Variants in TNK2 observed in about 807,000 individuals in gnomAD.
TNK2 encodes tyrosine kinase non receptor 2.
Under a neutral mutation model 101.8 loss-of-function variants are expected in TNK2, and 83 were observed. That is an observed-to-expected ratio of 0.82 (90% confidence interval 0.68 to 0.98). The LOEUF (loss-of-function observed/expected upper bound fraction) is 0.98, where lower values mean the gene tolerates loss of function less well. TNK2 is among the 50% of genes least tolerant of loss of function. The pLI, the probability that TNK2 is intolerant of heterozygous loss-of-function variation, is 0.00. For missense variants in TNK2, 1,665 were observed against 1,483.2 expected, an observed-to-expected ratio of 1.12 and a Z score of -2.01; for synonymous variants, 804 against 633.0, an observed-to-expected ratio of 1.27 and a Z score of -4.06.
intron 1 of TNK2, chr3:195,892,427 C>CG (rs1758923666): frequency 6.5e-7 from 1 of 1,535,200 alleles, no homozygotes; most frequent in Non-Finnish European, 8.7e-7. Context: ...CAGGCGTCGC[C>CG]GCAGTCTGGC....
intron 9 of TNK2, among the ~76,000 whole-genome samples, chr3:195,875,989 C>A (rs1284700459): frequency 6.6e-6 from 1 of 152,214 alleles, no homozygotes; most frequent in Admixed American, 6.5e-5. Flanking sequence ...AACGCCCGCC[C>A]GCTCTTCTCC....
Position 195,885,785 on chromosome 3 carries a change from G to A in TNK2, c.235-752C>T, listed in dbSNP as rs1005802937. The A allele has an allele frequency of 8.3e-6, 3 of 361,320 alleles. No homozygotes were observed. Among genetic ancestry groups the A allele is most frequent in the Admixed American group, 3.8e-5 (1 of 26,352 alleles). 22.4% of individuals were successfully genotyped at this position (361,320 alleles called of 1,614,324 possible). A position where few individuals can be genotyped will look rare whatever the true frequency, so the allele number is the denominator to read the frequency against. On this transcript the variant is annotated intron_variant, in intron 3 of 15. Transcript: ENST00000672887. This position sits in a 1 kb window ranked among gnomAD's most constrained non-coding sequence, Gnocchi z 4.7. Reference sequence around the variant, plus strand: ...GGCCATGAGGGTCAAAGCTGGCCACGTCGGTCTGACTCGGCCTCCACTGAG... The same window carrying A: ...GGCCATGAGGGTCAAAGCTGGCCACATCGGTCTGACTCGGCCTCCACTGAG...
rs748379763 is a variant in TNK2, at chr3:195,864,195, A to G, written c.3162-8T>C. On this transcript the variant is annotated splice_polypyrimidine_tract_variant and splice_region_variant and intron_variant, in intron 15 of 15. Transcript: ENST00000672887. ...CCAGACGCATCTCAGCGCCTAGAGA[A>G]TGGGAAACCACCAGCACAGTTAAAC... 2 of 1,613,958 alleles carry G rather than the reference A, an allele frequency of 1.2e-6. No individual in the cohort carries two copies. The highest frequency in any genetic ancestry group is 1.7e-5 in the Admixed American group (1 of 60,014).
chr3:195,869,725 G>A, intron 11 of TNK2, 184 bp from the exon 12 acceptor site: 2 of 656,694 alleles, frequency 3.0e-6, no homozygotes, highest in Non-Finnish European at 5.4e-6. Context: ...GAACACGGCG[G>A]TCCAGTATGA....
intron 15 of TNK2, among the ~76,000 whole-genome samples, chr3:195,864,810 C>T (rs1157756693): frequency 2.4e-5 from 3 of 127,112 alleles, no homozygotes; most frequent in South Asian, 2.7e-4. Context: ...ACAGGTGACA[C>T]GGAGTGCCTG....
In TNK2 at chr3:195,886,878, C is replaced by T. The variant is rs1755852645; in HGVS notation, c.234+99G>A. 12 of 1,361,198 alleles carry T rather than the reference C, an allele frequency of 8.8e-6. No individual in the cohort carries two copies. The highest frequency in any genetic ancestry group is 5.3e-6 in the Non-Finnish European group (5 of 951,140). 84.3% of individuals were successfully genotyped at this position (1,361,198 alleles called of 1,614,324 possible). ...AAAGTGCCGGCAGAACGGCGAGATT[C>T]GACCTGCCGGGGAGCTGGGGAAGGT... On this transcript the variant is annotated intron_variant, in intron 3 of 15. Transcript: ENST00000672887. This position sits in a 1 kb window ranked among gnomAD's most constrained non-coding sequence, Gnocchi z 4.2.
At position 195,863,813 on chromosome 3, in the gene TNK2, C is replaced by G. The variant is rs1162571128; in HGVS notation, c.*368G>C. The G allele has an allele frequency of 3.9e-6, 1 of 254,076 alleles. No homozygotes were observed. Among genetic ancestry groups the G allele is most frequent in the Admixed American group, 5.2e-5 (1 of 19,152 alleles). The allele number at this position is 254,076 out of a possible 1,614,324, so 15.7% of individuals were successfully genotyped here. A position where few individuals can be genotyped will look rare whatever the true frequency, so the allele number is the denominator to read the frequency against. On this transcript the variant is annotated 3_prime_UTR_variant, in exon 16 of 16. Coordinates refer to ENST00000672887, the MANE Select transcript of TNK2 (RefSeq NM_001382273.1). ...CTGCCCAGGTCCAGCCTGGTTTCCT[C>G]CCAGTCTGTCACCCAGGGCAGGGCC...
intron 1 of TNK2, among the ~76,000 whole-genome samples, chr3:195,893,605 T>A (rs1041112017): frequency 6.6e-6 from 1 of 151,734 alleles, no homozygotes; most frequent in African/African-American, 2.4e-5. Context: ...ATGATCTCTC[T>A]GGCCCTCCTC....
chr3:195,903,080 G>A (rs148475313), intron 1 of TNK2, among the ~76,000 whole-genome samples: 1,271 of 120,930 alleles, frequency 0.011, 11 homozygotes, highest in Non-Finnish European at 0.015. Flanking sequence ...TTTCTTTTGT[G>A]ACAGAGTCGG....
intron 12 of TNK2, 192 bp from the exon 13 acceptor site, chr3:195,868,901 A>T (rs993386843): frequency 3.2e-6 from 2 of 626,240 alleles, no homozygotes; most frequent in Non-Finnish European, 5.3e-6. Context: ...AGGAGGGCGG[A>T]ACCTGCTCTG....
chr3:195,882,607 C>A lies in TNK2; in HGVS notation c.610-279G>T. 7.5e-7 allele frequency: 1 copy of A among 1,328,932 alleles called. No individual in the cohort carries two copies. Among genetic ancestry groups the A allele is most frequent in the Admixed American group, 2.1e-5 (1 of 47,638 alleles). 82.3% of individuals were successfully genotyped at this position (1,328,932 alleles called of 1,614,324 possible). On this transcript the variant is annotated intron_variant, in intron 5 of 15. Coordinates refer to ENST00000672887, the MANE Select transcript of TNK2 (RefSeq NM_001382273.1). This position sits in a 1 kb window ranked among gnomAD's most constrained non-coding sequence, Gnocchi z 4.2. ...ACGTGGTGGCTCACGCCTGTAATCCCAGCACTTTGGGAGGCCGAGGTGGGT... is the reference window on the plus strand; with the variant it reads ...ACGTGGTGGCTCACGCCTGTAATCCAAGCACTTTGGGAGGCCGAGGTGGGT...
In TNK2 at chr3:195,867,998, G is replaced by A. The variant is rs769251815; in HGVS notation, c.2300C>T (p.Pro767Leu). The A allele has an allele frequency of 2.6e-6, 4 of 1,564,228 alleles. No individual in the cohort carries two copies. In the East Asian group the frequency reaches 9.2e-5, roughly 36 times the overall value. The change falls in exon 13 of 16, where the codon CCA becomes CTA. Residue 767 changes from proline to leucine, a missense_variant. This residue lies in a region of TNK2 where 1,136 missense variants were observed against 894.9 expected (regional missense o/e 1.27). Coordinates refer to ENST00000672887, the MANE Select transcript of TNK2 (RefSeq NM_001382273.1). ...GGGGGCTGGAGACAGCTGGACGTGT[G>A]GGCGCGTGGGCCGAGGGGGGATGGG... ...RVPIPPRPTR[P>L]HVQLSPAPPG...
chr3:195,874,469 C>T (rs939939893), intron 9 of TNK2, among the ~76,000 whole-genome samples: 4 of 152,230 alleles, frequency 2.6e-5, no homozygotes, highest in African/African-American at 9.6e-5. Context: ...AGTAAGAGTG[C>T]GGAGGACGTG....
chr3:195,897,205 A>G (rs538838963), intron 1 of TNK2, among the ~76,000 whole-genome samples: 1 of 152,384 alleles, frequency 6.6e-6, no homozygotes, highest in African/African-American at 2.4e-5. Context: ...GAGCAAGGCC[A>G]GGCTGGGTGC....
intron 9 of TNK2, among the ~76,000 whole-genome samples, chr3:195,873,760 A>T (rs956423656): frequency 5.9e-5 from 9 of 151,282 alleles, no homozygotes; most frequent in Non-Finnish European, 8.8e-5. Context: ...GAGCGGGGTG[A>T]CTCCGGAACA....
intron 9 of TNK2, among the ~76,000 whole-genome samples, chr3:195,876,139 A>T (rs1749109627): frequency 6.6e-6 from 1 of 152,246 alleles, no homozygotes; most frequent in South Asian, 2.1e-4. Context: ...TGCGGAACAA[A>T]AGTGCTGCCA....
In TNK2 at chr3:195,884,966, G is replaced by A. The variant is rs1560521879; in HGVS notation, c.302C>T (p.Thr101Ile). 6.2e-7 allele frequency: 1 copy of A among 1,613,918 alleles called. No homozygotes were observed. The highest frequency in any genetic ancestry group is 8.5e-7 in the Non-Finnish European group (1 of 1,179,918). The change falls in exon 4 of 16, where the codon ACC becomes ATC. Residue 101 changes from threonine (T) to isoleucine (I), a missense_variant. Transcript: ENST00000672887. ...PHHSQSTFRK[T>I]SPAPGGPAGE... ...TGCTGGGCCCCCAGGGGCGGGCGAG[G>A]TCTTCCGGAAGGTGCTCTGAGAGTG...
chr3:195,880,770 C>CCG (rs535170738), intron 6 of TNK2, among the ~76,000 whole-genome samples: 8 of 10,778 alleles, frequency 7.4e-4, no homozygotes, highest in East Asian at 3.9e-3. Context: ...CCTGTAACAC[C>CCG]CCCCCCAGCA....
At chr3:195,881,835 C>A (rs190754997) in intron 6 of TNK2, among the ~76,000 whole-genome samples, 17 of 152,234 alleles carry the variant, frequency 1.1e-4, no homozygotes, top group Non-Finnish European at 1.9e-4. Flanking sequence ...CAGCATGTAT[C>A]CCTGTGATTT....
Sources: gnomAD v4.1 joint callset for allele counts (sites outside exome capture counted in the v4.1 genomes callset) on GRCh38, gnomAD v4.1.1 for gene constraint, gnomAD v4.1.1 regional missense constraint, Gnocchi (gnomAD v3.1) non-coding constraint, MANE v1.5 for transcripts, NCBI Gene and HGNC (gene_info 2026-07-23, HGNC 2026-07-21) for gene names.